Variants in CHRDL1 observed in about 807,000 individuals in gnomAD.
The protein encoded by CHRDL1 is chordin like 1.
A neutral mutation model predicts 40.9 loss-of-function variants in CHRDL1; 19 were observed. The observed-to-expected ratio is 0.46, with a 90% CI of 0.32 to 0.68. The LOEUF (loss-of-function observed/expected upper bound fraction) is 0.68, where lower values mean the gene tolerates loss of function less well. Among genes scored for constraint, CHRDL1 ranks in the 30% least tolerant of loss-of-function variants. The pLI is 0.03. For missense variants in CHRDL1, 329 were observed against 352.1 expected (o/e 0.93, Z 0.53); for synonymous variants, 136 against 123.4 (o/e 1.10, Z -0.68).
chrX:110,723,199 C>A (rs747640115), intron 4 of CHRDL1, among the ~76,000 whole-genome samples: 1 of 110,967 alleles, frequency 9.0e-6, no homozygotes, highest in Non-Finnish European at 1.9e-5. Flanking sequence ...TGCAGTGAGC[C>A]GTGATCACGC....
At chrX:110,726,022 A>G (rs2071049617) in intron 4 of CHRDL1, among the ~76,000 whole-genome samples, 1 of 111,654 alleles carries the variant, frequency 9.0e-6, no homozygotes, top group Non-Finnish European at 1.9e-5. Flanking sequence ...AAACTACATC[A>G]TCTAAAGGGC....
intron 4 of CHRDL1, among the ~76,000 whole-genome samples, chrX:110,752,464 G>A (rs2089375960): frequency 8.9e-6 from 1 of 111,910 alleles, no homozygotes; most frequent in East Asian, 2.8e-4. Context: ...AGGCATGGAA[G>A]ATGGTTAAAG....
intron 6 of CHRDL1, among the ~76,000 whole-genome samples, chrX:110,701,017 C>G (rs2070502247): frequency 8.9e-6 from 1 of 112,097 alleles, no homozygotes; most frequent in African/African-American, 3.2e-5. Context: ...ATCACTGTCA[C>G]TTTTGCTCAT....
intron 4 of CHRDL1, among the ~76,000 whole-genome samples, chrX:110,745,646 A>C (rs1454881756): frequency 8.9e-6 from 1 of 111,946 alleles, no homozygotes; most frequent in Non-Finnish European, 1.9e-5. Flanking sequence ...CTGCCTGCAC[A>C]GCCCTTGTCC....
chrX:110,770,039 A>C (rs1248769077), intron 2 of CHRDL1, among the ~76,000 whole-genome samples: 2 of 112,464 alleles, frequency 1.8e-5, no homozygotes, highest in South Asian at 7.3e-4. Flanking sequence ...TTATTTTTCA[A>C]ACCTTTCTTT....
chrX:110,780,731 G>A (rs757352357), intron 2 of CHRDL1, among the ~76,000 whole-genome samples: 1 of 111,725 alleles, frequency 9.0e-6, no homozygotes, highest in Admixed American at 9.5e-5. Context: ...GAGTGAGAAT[G>A]CCCAGCAATG....
chrX:110,701,713 C>T (rs1295275786), intron 6 of CHRDL1, among the ~76,000 whole-genome samples: 2 of 111,108 alleles, frequency 1.8e-5, no homozygotes, highest in East Asian at 5.7e-4. Flanking sequence ...ACTTGGGAGG[C>T]TGAGGTAGAA....
intron 6 of CHRDL1, among the ~76,000 whole-genome samples, chrX:110,715,228 T>C (rs975431251): frequency 4.5e-5 from 5 of 111,507 alleles, no homozygotes; most frequent in Admixed American, 2.9e-4. Context: ...ATTGTAACGA[T>C]AGAACAGTAC....
intron 6 of CHRDL1, among the ~76,000 whole-genome samples, chrX:110,713,123 A>C (rs773112326): frequency 4.5e-5 from 5 of 111,196 alleles, no homozygotes; most frequent in African/African-American, 1.6e-4. Flanking sequence ...CTGGAGAGAC[A>C]GTCTCAGAAG....
chrX:110,694,912 A>G (rs1217868062), intron 7 of CHRDL1, among the ~76,000 whole-genome samples: 1 of 112,123 alleles, frequency 8.9e-6, no homozygotes, highest in African/African-American at 3.2e-5. Flanking sequence ...ACAGTTGCAG[A>G]ATAACATTCC....
chrX:110,715,707 C>G (rs745477202), intron 6 of CHRDL1, among the ~76,000 whole-genome samples: 15 of 111,988 alleles, frequency 1.3e-4, no homozygotes, highest in Middle Eastern at 4.6e-3. Flanking sequence ...TTTCTATTAT[C>G]AATTGTTTTC....
At chrX:110,789,483 A>G (rs2090065868) in intron 2 of CHRDL1, among the ~76,000 whole-genome samples, 2 of 112,167 alleles carry the variant, frequency 1.8e-5, no homozygotes, top group South Asian at 7.4e-4. Flanking sequence ...TAATAGCAAA[A>G]ACCGGAAACA....
chrX:110,741,001 T>C (rs1410771282), intron 4 of CHRDL1, among the ~76,000 whole-genome samples: 1 of 112,121 alleles, frequency 8.9e-6, no homozygotes, highest in Non-Finnish European at 1.9e-5. Context: ...TATTTGGCCC[T>C]TTACAGAAAA....
At chrX:110,719,440 A>G (rs2070904538) in intron 6 of CHRDL1, among the ~76,000 whole-genome samples, 1 of 111,802 alleles carries the variant, frequency 8.9e-6, no homozygotes, top group Non-Finnish European at 1.9e-5. Context: ...ACAGTCTTCA[A>G]AATGGCCACA....
intron 11 of CHRDL1, among the ~76,000 whole-genome samples, chrX:110,676,872 TA>T (rs1415345593): frequency 9.0e-6 from 1 of 110,959 alleles, no homozygotes; most frequent in Non-Finnish European, 1.9e-5. Context: ...TATCTTTTGT[TA>T]AAAACTTCTC....
At chrX:110,771,362 C>T (rs1035990000) in intron 2 of CHRDL1, among the ~76,000 whole-genome samples, 1 of 111,455 alleles carries the variant, frequency 9.0e-6, no homozygotes, top group Non-Finnish European at 1.9e-5. Context: ...ATACCAAAAC[C>T]AGATAAAGAT....
chrX:110,723,584 T>G (rs2071002963), intron 4 of CHRDL1, among the ~76,000 whole-genome samples: 1 of 111,508 alleles, frequency 9.0e-6, no homozygotes, highest in Non-Finnish European at 1.9e-5. Context: ...TCTGACTGAT[T>G]CTAGAACCTT....
At chrX:110,759,545 T>A (rs1251076681) in intron 4 of CHRDL1, 116 bp downstream of exon 4, 15 of 570,420 alleles carry the variant, frequency 2.6e-5, no homozygotes, top group Non-Finnish European at 4.3e-5. Flanking sequence ...GCCTAAAGGT[T>A]CCTATTGTTA....
At chrX:110,708,711 G>A (rs1026957741) in intron 6 of CHRDL1, among the ~76,000 whole-genome samples, 3 of 111,545 alleles carry the variant, frequency 2.7e-5, no homozygotes, top group East Asian at 2.8e-4. Context: ...GAATGCATGC[G>A]TTTCCAGGAG....
Sources: gnomAD v4.1 joint callset for allele counts (sites outside exome capture counted in the v4.1 genomes callset) on GRCh38, gnomAD v4.1.1 for gene constraint, MANE v1.5 for transcripts, NCBI Gene and HGNC (gene_info 2026-07-23, HGNC 2026-07-21) for gene names.